FAM118B: variants seen among roughly 807,000 people sequenced by gnomAD.
FAM118B encodes protein FAM118B.
Under a neutral mutation model 38.5 loss-of-function variants are expected in FAM118B, and 24 were observed. That is an observed-to-expected ratio of 0.62 (90% CI 0.45 to 0.88). FAM118B has a LOEUF of 0.88. Among genes scored for constraint, FAM118B ranks in the 40% least tolerant of loss-of-function variants. The pLI, the probability that FAM118B is intolerant of heterozygous loss-of-function variation, is 0.00. For missense variants in FAM118B, 334 were observed against 420.0 expected (o/e 0.80, Z 1.79); for synonymous variants, 138 against 156.3 (o/e 0.88, Z 0.87).
chr11:126,235,001 G>A lies in FAM118B; in HGVS notation c.-1G>A, dbSNP rs1950254079. ...GGTGTTTAATCTATTTTAGAAACTGGATGGCTTCTACAGGGAGCCAGGCCT... is the reference window on the plus strand; with the variant it reads ...GGTGTTTAATCTATTTTAGAAACTGAATGGCTTCTACAGGGAGCCAGGCCT... On this transcript the variant is annotated 5_prime_UTR_variant, in exon 3 of 9. Coordinates refer to ENST00000533050, the MANE Select transcript of FAM118B (RefSeq NM_024556.4). The A allele has an allele frequency of 6.2e-7, 1 of 1,612,988 alleles. No individual in the cohort carries two copies. Among genetic ancestry groups the A allele is most frequent in the Admixed American group, 1.7e-5 (1 of 59,970 alleles).
intron 1 of FAM118B, among the ~76,000 whole-genome samples, chr11:126,213,686 C>T (rs1949925035): frequency 6.6e-6 from 1 of 152,114 alleles, no homozygotes; most frequent in Non-Finnish European, 1.5e-5. Flanking sequence ...CTGTTTCTAC[C>T]CTAACCTTAT....
In FAM118B at chr11:126,251,547, G is replaced by A. The variant is rs1242482499; in HGVS notation, c.567+814G>A. ...GCCCCATGAAGACTAGTTTTCTCTGGTCCAAGTGTCTTCCGCCTACGCCCT... is the reference window on the plus strand; with the variant it reads ...GCCCCATGAAGACTAGTTTTCTCTGATCCAAGTGTCTTCCGCCTACGCCCT... On this transcript the variant is annotated intron_variant, in intron 5 of 8. Transcript: ENST00000533050. Among the ~76,000 whole-genome samples, 3 of 152,152 alleles carry A rather than the reference G, an allele frequency of 2.0e-5. No homozygotes were observed. The East Asian group carries it at 5.8e-4, about 29-fold the overall frequency.
intron 7 of FAM118B, among the ~76,000 whole-genome samples, chr11:126,257,552 A>G (rs1429863862): frequency 1.3e-5 from 2 of 152,166 alleles, no homozygotes; most frequent in Non-Finnish European, 2.9e-5. Context: ...GAGTAAAGGA[A>G]GAAAAAGCAG....
intron 1 of FAM118B, among the ~76,000 whole-genome samples, chr11:126,225,890 G>C (rs1287262049): frequency 1.3e-5 from 2 of 152,202 alleles, no homozygotes; most frequent in Admixed American, 1.3e-4. Flanking sequence ...TGAAGCAGGA[G>C]AACTGCTTGA....
At chr11:126,257,594 T>C (rs1197112398) in intron 7 of FAM118B, among the ~76,000 whole-genome samples, 3 of 142,216 alleles carry the variant, frequency 2.1e-5, no homozygotes, top group Admixed American at 7.9e-5. Flanking sequence ...TATATTCATA[T>C]AGAATTGTAC....
chr11:126,230,482 A>C (rs966723487), intron 2 of FAM118B, among the ~76,000 whole-genome samples: 1 of 152,244 alleles, frequency 6.6e-6, no homozygotes, highest in African/African-American at 2.4e-5. Context: ...TGCTAGAGAA[A>C]TAAACCATTC....
chr11:126,240,539 T>G lies in FAM118B; in HGVS notation c.87-253T>G, dbSNP rs559016266. ...GTGGAATTTCTTAGGTTGAGAGGAC[T>G]AGGAAGGGAAAACTGATTTTAAGAT... On this transcript the variant is annotated intron_variant, in intron 3 of 8. Coordinates refer to ENST00000533050, the MANE Select transcript of FAM118B (RefSeq NM_024556.4). Among the ~76,000 whole-genome samples, 5 of 152,298 alleles carry G rather than the reference T, an allele frequency of 3.3e-5. No individual in the cohort carries two copies. The South Asian group carries it at 1.0e-3, about 32-fold the overall frequency.
chr11:126,220,616 G>C (rs1253930327), intron 1 of FAM118B, among the ~76,000 whole-genome samples: 1 of 152,102 alleles, frequency 6.6e-6, no homozygotes, highest in African/African-American at 2.4e-5. Context: ...TTAGGAGGCT[G>C]AGATAGGAGG....
chr11:126,237,410 A>T (rs1387403737), intron 3 of FAM118B, among the ~76,000 whole-genome samples: 4 of 144,814 alleles, frequency 2.8e-5, no homozygotes, highest in Non-Finnish European at 4.5e-5. Flanking sequence ...TTATTTATTT[A>T]TTTTTTAAAT....
chr11:126,214,629 C>T (rs1949955991), intron 1 of FAM118B, among the ~76,000 whole-genome samples: 1 of 150,384 alleles, frequency 6.6e-6, no homozygotes, highest in African/African-American at 2.4e-5. Context: ...TTGTTGGGAA[C>T]TCCTCTTGTC....
rs59661230 is a variant in FAM118B, at chr11:126,228,649, C to T, written c.-76-576C>T. On this transcript the variant is annotated intron_variant, in intron 1 of 8. Coordinates refer to ENST00000533050, the MANE Select transcript of FAM118B (RefSeq NM_024556.4). ...GATCTTGGCTCACTGCAACCTCTGC[C>T]TCCCAGGTTCAAGAACTTCTCTGCC... Among the ~76,000 whole-genome samples the T allele has an allele frequency of 4.5e-3, 691 of 152,248 alleles. 4 individuals carry two copies. Among genetic ancestry groups the T allele is most frequent in the African/African-American group, 0.015 (614 of 41,530 alleles).
intron 5 of FAM118B, among the ~76,000 whole-genome samples, chr11:126,251,220 T>C (rs1358581259): frequency 1.3e-5 from 2 of 152,248 alleles, no homozygotes; most frequent in Non-Finnish European, 1.5e-5. Flanking sequence ...ATACTGTACC[T>C]ACCATAATTA....
At chr11:126,215,216 T>C (rs1313029748) in intron 1 of FAM118B, among the ~76,000 whole-genome samples, 1 of 152,198 alleles carries the variant, frequency 6.6e-6, no homozygotes, top group Non-Finnish European at 1.5e-5. Context: ...CTATGAAGAT[T>C]TTCCACTGAT....
At position 126,262,471 on chromosome 11, in the gene FAM118B, G is replaced by C; in HGVS notation, c.*338G>C. ...GCTGCAGCTCTGCATGAAGGACTCG[G>C]GGTCTGGATGCCATGGAATCACTGT... On this transcript the variant is annotated 3_prime_UTR_variant, in exon 9 of 9. Coordinates refer to ENST00000533050, the MANE Select transcript of FAM118B (RefSeq NM_024556.4). The C allele has an allele frequency of 5.9e-6, 2 of 336,956 alleles. No individual in the cohort carries two copies. Among genetic ancestry groups the C allele is most frequent in the Non-Finnish European group, 1.1e-5 (2 of 185,576 alleles). The allele number at this position is 336,956 out of a possible 1,614,324, so 20.9% of individuals were successfully genotyped here.
In FAM118B at chr11:126,250,758, T is replaced by C. The variant is rs2135199984; in HGVS notation, c.567+25T>C. On this transcript the variant is annotated intron_variant, in intron 5 of 8. Coordinates refer to ENST00000533050, the MANE Select transcript of FAM118B (RefSeq NM_024556.4). This position sits in a 1 kb window ranked among gnomAD's most constrained non-coding sequence, Gnocchi z 5.1. ...GGTAAAAAGTAAAGCATTGGTCCCT[T>C]CTTCAGGCTAGTGGATTTTATCTTC... 6.6e-7 allele frequency: 1 copy of C among 1,523,072 alleles called. No individual in the cohort carries two copies. The highest frequency in any genetic ancestry group is 9.1e-7 in the Non-Finnish European group (1 of 1,103,522). The allele number at this position is 1,523,072 out of a possible 1,614,324, so 94.3% of individuals were successfully genotyped here. A position where few individuals can be genotyped will look rare whatever the true frequency, so the allele number is the denominator to read the frequency against.
At chr11:126,241,185 G>A in intron 4 of FAM118B, 141 bp downstream of exon 4, 1 of 908,542 alleles carries the variant, frequency 1.1e-6, no homozygotes, top group Non-Finnish European at 1.6e-6. Flanking sequence ...CATAACATTT[G>A]ACTCTTCTGC....
chr11:126,216,645 C>A (rs1340308612), intron 1 of FAM118B, among the ~76,000 whole-genome samples: 1 of 152,224 alleles, frequency 6.6e-6, no homozygotes, highest in Non-Finnish European at 1.5e-5. Context: ...GTAAGATTTT[C>A]ACCCACTTTT....
rs1318589671 is a variant in FAM118B at position 126,239,857 on chromosome 11, G to A, written c.87-935G>A. Among the ~76,000 whole-genome samples, 22 of 152,150 alleles carry A rather than the reference G, an allele frequency of 1.4e-4. 1 individual carries two copies. The highest frequency in any genetic ancestry group is 1.4e-3 in the Admixed American group (22 of 15,264). ...TGAATGACTGAATGCAGAAGCTCGG[G>A]TTAGGGAAAGCAGTTTTAGAGGCTG... is the stretch of plus-strand genomic sequence containing the variant. On this transcript the variant is annotated intron_variant, in intron 3 of 8. Transcript: ENST00000533050.
At chr11:126,227,787 TA>T (rs1244562501) in intron 1 of FAM118B, among the ~76,000 whole-genome samples, 3 of 152,174 alleles carry the variant, frequency 2.0e-5, no homozygotes, top group African/African-American at 7.2e-5. Flanking sequence ...TAAAATTTTT[TA>T]ATTTTCAAAA....
Sources: gnomAD v4.1 joint callset for allele counts (sites outside exome capture counted in the v4.1 genomes callset) on GRCh38, gnomAD v4.1.1 for gene constraint, Gnocchi (gnomAD v3.1) non-coding constraint, MANE v1.5 for transcripts, NCBI Gene and HGNC (gene_info 2026-07-23, HGNC 2026-07-21) for gene names.